DNAI1: variants seen among roughly 807,000 people sequenced by gnomAD.
The protein encoded by DNAI1 is dynein axonemal intermediate chain 1, also known as dynein, axonemal, intermediate polypeptide 1.
Under a neutral mutation model 92.0 loss-of-function variants are expected in DNAI1, and 67 were observed. The ratio of observed to expected loss-of-function variants is 0.73; its 90% CI spans 0.60 to 0.89. The LOEUF is 0.89. Among genes scored for constraint, DNAI1 ranks in the 40% least tolerant of loss-of-function variants. The pLI is 0.00. For synonymous variants in DNAI1, 323 were observed against 319.6 expected (o/e 1.01, Z -0.11); for missense variants, 839 against 866.6 (o/e 0.97, Z 0.40).
chr9:34,519,947 A>G (rs900647553), intron 19 of DNAI1, among the ~76,000 whole-genome samples: 5 of 152,202 alleles, frequency 3.3e-5, no homozygotes, highest in Admixed American at 1.3e-4. Context: ...CACACACTCC[A>G]GTGTCCAACT....
intron 10 of DNAI1, among the ~76,000 whole-genome samples, chr9:34,498,181 T>C (rs561715947): frequency 3.3e-5 from 5 of 152,300 alleles, no homozygotes; most frequent in Admixed American, 6.5e-5. Context: ...AAGGGAACAG[T>C]TATAATAGTG....
chr9:34,493,688 A>T (rs1317018302), intron 9 of DNAI1, among the ~76,000 whole-genome samples: 2 of 152,272 alleles, frequency 1.3e-5, no homozygotes, highest in East Asian at 1.9e-4. Flanking sequence ...TCCCTCGGCA[A>T]CGGCTTATAG....
At chr9:34,461,514 A>C (rs371032830) in intron 1 of DNAI1, among the ~76,000 whole-genome samples, 2 of 152,242 alleles carry the variant, frequency 1.3e-5, no homozygotes, top group South Asian at 2.1e-4. Flanking sequence ...TTACAGATTC[A>C]ATTTGTCTTT....
At chr9:34,518,216 T>C (rs1174680665) in intron 19 of DNAI1, among the ~76,000 whole-genome samples, 1 of 152,198 alleles carries the variant, frequency 6.6e-6, no homozygotes, top group African/African-American at 2.4e-5. Context: ...TGGGCCAGGA[T>C]CAGGACTGGG....
intron 13 of DNAI1, 23 bp downstream of exon 13, chr9:34,506,897 G>C: frequency 6.2e-7 from 1 of 1,610,524 alleles, no homozygotes; most frequent in Non-Finnish European, 8.5e-7. Flanking sequence ...GCTGGGAGGG[G>C]TGGGGATGGG....
chr9:34,508,378 C>G (rs570892048), intron 13 of DNAI1, among the ~76,000 whole-genome samples: 27 of 152,332 alleles, frequency 1.8e-4, no homozygotes, highest in African/African-American at 6.5e-4. Flanking sequence ...TCCTGCCATA[C>G]GCCCTCCCCG....
At chr9:34,497,353 A>T (rs1027499900) in intron 10 of DNAI1, among the ~76,000 whole-genome samples, 154 bp downstream of exon 10, 1 of 152,192 alleles carries the variant, frequency 6.6e-6, no homozygotes, top group Admixed American at 6.5e-5. Context: ...GGGAGACAAG[A>T]CTTATGTGGA....
intron 15 of DNAI1, 57 bp downstream of exon 15, chr9:34,512,481 G>T: frequency 2.0e-6 from 3 of 1,531,814 alleles, no homozygotes; most frequent in Non-Finnish European, 2.7e-6. Flanking sequence ...GGCCCAGTGA[G>T]GGTCAGTGAC....
At chr9:34,460,997 C>T (rs985256744) in intron 1 of DNAI1, among the ~76,000 whole-genome samples, 2 of 152,278 alleles carry the variant, frequency 1.3e-5, no homozygotes, top group South Asian at 2.1e-4. Context: ...CCTGCCACCA[C>T]GCCCAGCTAA....
At position 34,520,710 on chromosome 9, in the gene DNAI1, T is replaced by C; in HGVS notation, c.2054T>C (p.Leu685Pro). Residue 685 changes from leucine to proline, a missense_variant, in exon 20 of 20, where the codon CTG becomes CCG. By Grantham distance (98) the Leu-to-Pro change is moderately conservative (BLOSUM62 -3). Transcript: ENST00000242317. ...QKGPAVEIAK[L>P]DKLLNLVREV... The stretch of plus-strand genomic sequence containing the variant: ...GGTCCAGCTGTGGAGATTGCGAAAC[T>C]GGACAAACTGCTGAACCTGGTGAGG... 9 of 1,551,672 alleles carry C rather than the reference T, an allele frequency of 5.8e-6. No individual in the cohort carries two copies. Among genetic ancestry groups the C allele is most frequent in the East Asian group, 4.9e-5 (2 of 40,926 alleles).
At chr9:34,503,852 C>T (rs991731379) in intron 12 of DNAI1, among the ~76,000 whole-genome samples, 1 of 152,168 alleles carries the variant, frequency 6.6e-6, no homozygotes, top group Non-Finnish European at 1.5e-5. Context: ...GAGAAAGAGG[C>T]TGTCAGTAGG....
chr9:34,515,894 T>C (rs1423379203), intron 18 of DNAI1, among the ~76,000 whole-genome samples: 3 of 152,156 alleles, frequency 2.0e-5, no homozygotes, highest in Non-Finnish European at 4.4e-5. Context: ...ATTTGATGCT[T>C]TAAATGAGTG....
chr9:34,500,926 C>A, intron 11 of DNAI1, 87 bp downstream of exon 11: 2 of 1,127,396 alleles, frequency 1.8e-6, no homozygotes, highest in Non-Finnish European at 1.4e-6. Context: ...ACTTAACCAC[C>A]TTGAGTATGA....
chr9:34,492,862 A>G (rs1299514857), intron 8 of DNAI1, among the ~76,000 whole-genome samples: 1 of 151,786 alleles, frequency 6.6e-6, no homozygotes, highest in African/African-American at 2.4e-5. Context: ...TTAAATCACC[A>G]ACAAAAATGG....
rs771926865 is a variant in DNAI1, at chr9:34,490,416, C to T, written c.549C>T (p.Pro183=). 1 of 1,614,176 alleles carries T rather than the reference C, an allele frequency of 6.2e-7. No homozygotes were observed. Among genetic ancestry groups the T allele is most frequent in the South Asian group, 1.1e-5 (1 of 91,082 alleles). The change falls in exon 7 of 20, where the codon CCC becomes CCT. Residue 183 remains proline, a synonymous_variant. Coordinates refer to ENST00000242317, the MANE Select transcript of DNAI1 (RefSeq NM_012144.4). ...AAGAATTGATGACTCCTAAGCAGCCCAAGGAGAGAAAGCTCACTAACCAGT... is the reference window on the plus strand; with the variant it reads ...AAGAATTGATGACTCCTAAGCAGCCTAAGGAGAGAAAGCTCACTAACCAGT... ...TEEELMTPKQ[P]KERKLTNQFN...
At position 34,514,504 on chromosome 9, in the gene DNAI1, C is replaced by T. The variant is rs1398168624; in HGVS notation, c.1680C>T (p.Ser560=). 1.2e-6 allele frequency: 2 copies of T among 1,614,248 alleles called. No individual in the cohort carries two copies. The change falls in exon 17 of 20, where the codon AGC becomes AGT. Residue 560 remains serine (S), a synonymous_variant. Coordinates refer to ENST00000242317, the MANE Select transcript of DNAI1 (RefSeq NM_012144.4). ...ACACCAAGGTCTTCATGTCCTGCAGCTCCGACTGGACAGTGAAGATCTGGG... is the reference window on the plus strand; with the variant it reads ...ACACCAAGGTCTTCATGTCCTGCAGTTCCGACTGGACAGTGAAGATCTGGG... The part of the protein sequence containing the change: ...PYHTKVFMSC[S]SDWTVKIWDH...
rs2132057666 is a variant in DNAI1, at chr9:34,485,448, G to A, written c.192G>A (p.Glu64=). ...TTTTTCTCCCTCAGGAGTTAAAGGA[G>A]GAGTTCACTCGGATTTTGACAGCCA... The part of the protein sequence containing the change: ...QLELTDAELK[E]EFTRILTANN... Residue 64 remains glutamate (E), a synonymous_variant, in exon 4 of 20, where the codon GAG becomes GAA. Transcript: ENST00000242317. 1.2e-6 allele frequency: 2 copies of A among 1,614,124 alleles called. No homozygotes were observed. Among genetic ancestry groups the A allele is most frequent in the Non-Finnish European group, 8.5e-7 (1 of 1,180,014 alleles).
chr9:34,482,824 G>C (rs1341045298), intron 1 of DNAI1, among the ~76,000 whole-genome samples: 1 of 152,250 alleles, frequency 6.6e-6, no homozygotes, highest in African/African-American at 2.4e-5. Flanking sequence ...GATGGTGCTC[G>C]TCGGGGAGGC....
rs1824812665 is a variant in DNAI1, at chr9:34,500,722, A to G, written c.902A>G (p.Asp301Gly). The G allele has an allele frequency of 6.2e-7, 1 of 1,612,522 alleles. No individual in the cohort carries two copies. Among genetic ancestry groups the G allele is most frequent in the Non-Finnish European group, 8.5e-7 (1 of 1,178,808 alleles). Residue 301 changes from aspartate to glycine, a missense_variant and splice_region_variant, in exon 11 of 20, where the codon GAT becomes GGT. Transcript: ENST00000242317. ...NQNTYDDIAQ[D>G]FKYYDDAADE... ...CTGACTCTGCCTGTGTGTGTTTAAG[A>G]TTTTAAGTACTATGACGATGCTGCT...
Sources: gnomAD v4.1 joint callset for allele counts (sites outside exome capture counted in the v4.1 genomes callset) on GRCh38, gnomAD v4.1.1 for gene constraint, MANE v1.5 for transcripts, NCBI Gene and HGNC (gene_info 2026-07-23, HGNC 2026-07-21) for gene names.